ARAP1: variants seen among roughly 807,000 people sequenced by gnomAD.
The protein encoded by ARAP1 is arf-GAP with Rho-GAP domain, ANK repeat and PH domain-containing protein 1.
In ARAP1, 76 loss-of-function variants were observed where a neutral mutation model predicts 172.2. The observed-to-expected ratio is 0.44, with a 90% CI of 0.37 to 0.53. The LOEUF is 0.53. Among genes scored for constraint, ARAP1 ranks in the 20% least tolerant of loss-of-function variants. The probability of loss-of-function intolerance (pLI) is 0.00; values close to 1 mark genes in which losing one functional copy is unlikely to be tolerated. For missense variants in ARAP1, 1,686 were observed against 1,977.5 expected, an observed-to-expected ratio of 0.85 and a Z score of 2.80; for synonymous variants, 804 against 803.3, an observed-to-expected ratio of 1.00 and a Z score of -0.01.
chr11:72,711,536 G>C, intron 7 of ARAP1, 37 bp from the exon 8 acceptor site: 2 of 1,577,496 alleles, frequency 1.3e-6, no homozygotes, highest in Non-Finnish European at 1.7e-6. Flanking sequence ...AATGACCGGG[G>C]GTAGGAGGAC....
chr11:72,693,517 C>T lies in ARAP1; in HGVS notation c.3809-47G>A, dbSNP rs528821646. 31 of 1,586,812 alleles carry T rather than the reference C, an allele frequency of 2.0e-5. 1 individual carries two copies. The highest frequency in any genetic ancestry group is 1.4e-4 in the East Asian group (6 of 44,430). On this transcript the variant is annotated intron_variant, in intron 28 of 34. Transcript: ENST00000393609. This position sits in a 1 kb window ranked among gnomAD's most constrained non-coding sequence, Gnocchi z 4.6. ...GGCACAGGCTGCACCAACCCCTACC[C>T]GGGGCTGGGTCCCAGGATGAAGGAA...
At chr11:72,713,107 A>T in intron 5 of ARAP1, 69 bp downstream of exon 5, 1 of 1,504,394 alleles carries the variant, frequency 6.6e-7, no homozygotes, top group South Asian at 1.1e-5. Flanking sequence ...GGTAGTCCTC[A>T]GGGTCTGACA....
chr11:72,728,444 G>A (rs1429844014), intron 2 of ARAP1, among the ~76,000 whole-genome samples: 1 of 152,126 alleles, frequency 6.6e-6, no homozygotes, highest in Non-Finnish European at 1.5e-5. Context: ...AGCCAGGCAT[G>A]GTGGCATGCG....
At chr11:72,700,875 G>A (rs888796363) in intron 16 of ARAP1, among the ~76,000 whole-genome samples, 2 of 152,222 alleles carry the variant, frequency 1.3e-5, no homozygotes, top group Non-Finnish European at 1.5e-5. Flanking sequence ...GCGCATGCCT[G>A]TAATCCCAGC....
intron 33 of ARAP1, 31 bp from the exon 34 acceptor site, chr11:72,686,222 A>T: frequency 1.3e-6 from 2 of 1,597,376 alleles, no homozygotes; most frequent in Non-Finnish European, 8.5e-7. Flanking sequence ...GGCTGGGCTC[A>T]GCTTCAGTTC....
rs573263340 is a variant in ARAP1 at position 72,744,603 on chromosome 11, C to T, written c.-128+7725G>A. Among the ~76,000 whole-genome samples, 19 of 152,344 alleles carry T rather than the reference C, an allele frequency of 1.2e-4. No homozygotes were observed. In the South Asian group the frequency reaches 2.5e-3, roughly 20 times the overall value. ...GGGCAAGAACCTAGCCAGGGCCGCA[C>T]GGGCAAGTCAGGACCATGACTCAGA... On this transcript the variant is annotated intron_variant, in intron 1 of 34. Transcript: ENST00000393609.
chr11:72,690,542 T>C (rs918225036), intron 30 of ARAP1, among the ~76,000 whole-genome samples: 2 of 152,080 alleles, frequency 1.3e-5, no homozygotes, highest in Non-Finnish European at 2.9e-5. Flanking sequence ...GCATGCACCA[T>C]CACATCCGGC....
intron 2 of ARAP1, among the ~76,000 whole-genome samples, chr11:72,730,269 C>T (rs1374904073): frequency 6.6e-6 from 1 of 152,162 alleles, no homozygotes; most frequent in East Asian, 1.9e-4. Flanking sequence ...ACTTAACCTC[C>T]CCCACACTAG....
At chr11:72,698,944 C>T (rs927093762) in intron 18 of ARAP1, 61 bp downstream of exon 18, 2 of 1,552,706 alleles carry the variant, frequency 1.3e-6, no homozygotes, top group African/African-American at 1.4e-5. Context: ...TGGGATTGGC[C>T]AGGAGGCCCC....
chr11:72,701,959 C>T (rs1291099028), intron 15 of ARAP1, among the ~76,000 whole-genome samples, 176 bp from the exon 16 acceptor site: 2 of 152,176 alleles, frequency 1.3e-5, no homozygotes, highest in Non-Finnish European at 2.9e-5. Context: ...GCTGTTTCTC[C>T]ACCTCTCCCC....
At chr11:72,686,342 G>T in intron 33 of ARAP1, 151 bp from the exon 34 acceptor site, 2 of 1,075,766 alleles carry the variant, frequency 1.9e-6, no homozygotes, top group Non-Finnish European at 2.6e-6. Context: ...AGCAGCTGTG[G>T]GGAGAACATG....
chr11:72,717,833 C>T (rs1033909584), intron 3 of ARAP1, among the ~76,000 whole-genome samples: 1 of 152,194 alleles, frequency 6.6e-6, no homozygotes, highest in Non-Finnish European at 1.5e-5. Context: ...GTTATTTGTT[C>T]TTGGTGCCAC....
intron 30 of ARAP1, among the ~76,000 whole-genome samples, chr11:72,691,344 A>G (rs7943602): frequency 0.78 from 117,977 of 151,990 alleles, 46,024 homozygotes; most frequent in Non-Finnish European, 0.82. Context: ...TTCCATGCCC[A>G]GGGATCCACA....
chr11:72,737,117 T>C (rs1328525070), intron 1 of ARAP1, among the ~76,000 whole-genome samples: 1 of 152,102 alleles, frequency 6.6e-6, no homozygotes, highest in Non-Finnish European at 1.5e-5. Context: ...CTGCTTCTGC[T>C]CTCTCTTTGG....
chr11:72,711,511 G>C lies in ARAP1; in HGVS notation c.1023-12C>G, dbSNP rs891515948. 1.2e-6 allele frequency: 2 copies of C among 1,606,800 alleles called. No individual in the cohort carries two copies. Among genetic ancestry groups the C allele is most frequent in the Admixed American group, 1.7e-5 (1 of 59,882 alleles). ...GATAGATGTAAGATCTGGAGAGGGAGAGGGACAACAAGCAAATGACCGGGG... is the reference window on the plus strand; with the variant it reads ...GATAGATGTAAGATCTGGAGAGGGACAGGGACAACAAGCAAATGACCGGGG... On this transcript the variant is annotated splice_polypyrimidine_tract_variant and intron_variant, in intron 7 of 34. Transcript: ENST00000393609.
At chr11:72,709,640 G>A (rs1856919998) in intron 11 of ARAP1, among the ~76,000 whole-genome samples, 1 of 151,534 alleles carries the variant, frequency 6.6e-6, no homozygotes, top group African/African-American at 2.4e-5. Context: ...AGCATGGCGG[G>A]CAGGGGAGGA....
chr11:72,702,208 G>T (rs571304076), intron 15 of ARAP1, among the ~76,000 whole-genome samples: 21 of 152,348 alleles, frequency 1.4e-4, no homozygotes, highest in African/African-American at 3.8e-4. Context: ...AGCGCCGTGG[G>T]GGGGCGGTGA....
In ARAP1 at chr11:72,710,440, T is replaced by A; in HGVS notation, c.1361A>T (p.Asn454Ile). 1 of 1,614,076 alleles carries A rather than the reference T, an allele frequency of 6.2e-7. No homozygotes were observed. Among genetic ancestry groups the A allele is most frequent in the South Asian group, 1.1e-5 (1 of 91,082 alleles). The change falls in exon 10 of 35, where the codon AAT becomes ATT. Residue 454 changes from asparagine (N) to isoleucine (I), a missense_variant. Coordinates refer to ENST00000393609, the MANE Select transcript of ARAP1 (RefSeq NM_001040118.3). This position sits in a 1 kb window ranked among gnomAD's most constrained non-coding sequence, Gnocchi z 4.3. The stretch of plus-strand genomic sequence containing the variant: ...CCCGACCACGGCCACGTACAGCTTA[T>A]TCTTGAAGCCACGAAGCTCCAGGCT... The part of the protein sequence containing the change: ...AGSLELRGFK[N>I]KLYVAVVGDK...
intron 1 of ARAP1, among the ~76,000 whole-genome samples, chr11:72,736,895 G>A (rs975681206): frequency 2.0e-5 from 3 of 152,178 alleles, no homozygotes; most frequent in African/African-American, 7.2e-5. Context: ...CAGCCAGGCT[G>A]GGCTGGCCCT....
Sources: gnomAD v4.1 joint callset for allele counts (sites outside exome capture counted in the v4.1 genomes callset) on GRCh38, gnomAD v4.1.1 for gene constraint, Gnocchi (gnomAD v3.1) non-coding constraint, MANE v1.5 for transcripts, NCBI Gene and HGNC (gene_info 2026-07-23, HGNC 2026-07-21) for gene names.